The following CHD5 variants were observed in gnomAD, a reference collection of about 807,000 sequenced individuals.
CHD5 encodes ATP-dependent chromatin remodeler CHD5.
Under a neutral mutation model 230.3 loss-of-function variants are expected in CHD5, and 69 were observed. That is an observed-to-expected ratio of 0.30 (90% CI 0.25 to 0.37). The LOEUF (loss-of-function observed/expected upper bound fraction) is 0.37, where lower values mean the gene tolerates loss of function less well. Among genes scored for constraint, CHD5 ranks in the 10% least tolerant of loss-of-function variants. The pLI is 1.00. For synonymous variants in CHD5, 1,064 were observed against 1,065.9 expected (o/e 1.00, Z 0.03); for missense variants, 1,827 against 2,622.8 (o/e 0.70, Z 6.63).
intron 20 of CHD5, among the ~76,000 whole-genome samples, chr1:6,132,910 C>CTCTCTCTCTCT (rs1666680549): frequency 6.6e-6 from 1 of 151,110 alleles, no homozygotes; most frequent in Non-Finnish European, 1.5e-5. Context: ...CTCTCTCTCT[C>CTCTCTCTCTCT]AAGAGACAGG....
chr1:6,131,572 C>A lies in CHD5; in HGVS notation c.3262+59G>T. 1 of 1,015,500 alleles carries A rather than the reference C, an allele frequency of 9.8e-7. No individual in the cohort carries two copies. Among genetic ancestry groups the A allele is most frequent in the Non-Finnish European group, 1.5e-6 (1 of 645,196 alleles). The allele number at this position is 1,015,500 out of a possible 1,614,324, so 62.9% of individuals were successfully genotyped here. On this transcript the variant is annotated intron_variant, in intron 21 of 41. Coordinates refer to ENST00000262450, the MANE Select transcript of CHD5 (RefSeq NM_015557.3). This position sits in a 1 kb window ranked among gnomAD's most constrained non-coding sequence, Gnocchi z 5.0. ...CTGGGTGACCTGGCTAAGAACCAGG[C>A]CTGGGAGAAGAGGCCAAAAAGGAGT...
chr1:6,179,910 C>G (rs1258293383), intron 1 of CHD5, 35 bp downstream of exon 1: 13 of 1,196,584 alleles, frequency 1.1e-5, no homozygotes, highest in Non-Finnish European at 1.1e-5. Flanking sequence ...GCGCCCCCGC[C>G]GCTCTGGCCC....
chr1:6,178,348 G>C (rs1297440780), intron 1 of CHD5, among the ~76,000 whole-genome samples: 1 of 152,148 alleles, frequency 6.6e-6, no homozygotes, highest in Non-Finnish European at 1.5e-5. Flanking sequence ...CGGAGTGTAA[G>C]ATGGGAAAGA....
rs189200022 is a variant in CHD5 at position 6,105,309 on chromosome 1, C to T, written c.*165G>A. On this transcript the variant is annotated 3_prime_UTR_variant, in exon 42 of 42. Transcript: ENST00000262450. The surrounding 1 kb of genome is among the most constrained non-coding windows in gnomAD (Gnocchi z 4.8). ...GCTCTGGCCCAGCTGAGCTGGGCCT[C>T]GTCCTCCATGTGATGGCATTACTAG... 33 of 438,572 alleles carry T rather than the reference C, an allele frequency of 7.5e-5. No individual in the cohort carries two copies. In the East Asian group the frequency reaches 7.8e-4, roughly 10 times the overall value. 27.2% of individuals were successfully genotyped at this position (438,572 alleles called of 1,614,324 possible).
At chr1:6,174,728 A>G (rs1296268348) in intron 1 of CHD5, among the ~76,000 whole-genome samples, 2 of 122,532 alleles carry the variant, frequency 1.6e-5, no homozygotes, top group African/African-American at 3.2e-5. Context: ...ATGGATGGTG[A>G]ATAAGTGGAT....
At chr1:6,159,025 A>G (rs1292849951) in intron 3 of CHD5, among the ~76,000 whole-genome samples, 3 of 149,674 alleles carry the variant, frequency 2.0e-5, no homozygotes, top group South Asian at 2.1e-4. Context: ...AAAAAAAAAA[A>G]AGAGATGGGG....
chr1:6,144,465 G>A (rs912034742), intron 11 of CHD5, among the ~76,000 whole-genome samples: 1 of 152,250 alleles, frequency 6.6e-6, no homozygotes, highest in Non-Finnish European at 1.5e-5. Context: ...ATTTGTCACA[G>A]GGTCTGGATT....
rs1666302789 is a variant in CHD5, at chr1:6,112,198, C to T, written c.5082G>A (p.Lys1694=). 1 of 1,614,134 alleles carries T rather than the reference C, an allele frequency of 6.2e-7. No individual in the cohort carries two copies. The highest frequency in any genetic ancestry group is 1.7e-5 in the Admixed American group (1 of 60,024). The change falls in exon 35 of 42, where the codon AAG becomes AAA. Residue 1694 remains lysine, a synonymous_variant. Coordinates refer to ENST00000262450, the MANE Select transcript of CHD5 (RefSeq NM_015557.3). ...GDKEEDDEGK[K]EDKKGKFKFM... ...ACTTGAATTTCCCCTTCTTGTCCTC[C>T]TTCTTCCCCTCGTCATCTTCCTCTT...
Position 6,111,888 on chromosome 1 carries a change from G to A in CHD5, c.5141-5C>T, listed in dbSNP as rs769846006. 1 of 1,612,272 alleles carries A rather than the reference G, an allele frequency of 6.2e-7. No homozygotes were observed. The highest frequency in any genetic ancestry group is 8.5e-7 in the Non-Finnish European group (1 of 1,179,306). On this transcript the variant is annotated splice_region_variant and splice_polypyrimidine_tract_variant and intron_variant, in intron 35 of 41. Transcript: ENST00000262450. ...TCTGCCACAGCGTGTGCAACTCTGG[G>A]AAACAAGCCAAGGTGAGCAGGGTGA...
intron 1 of CHD5, among the ~76,000 whole-genome samples, chr1:6,175,247 G>T (rs1359700011): frequency 6.8e-6 from 1 of 147,316 alleles, no homozygotes; most frequent in Admixed American, 6.7e-5. Flanking sequence ...GTGGATTGAT[G>T]GATGGATGGT....
At chr1:6,139,639 C>A (rs2100854904) in intron 15 of CHD5, among the ~76,000 whole-genome samples, 1 of 151,994 alleles carries the variant, frequency 6.6e-6, no homozygotes, top group East Asian at 1.9e-4. Context: ...CAGCCTCGAA[C>A]TCCTGGGCTC....
chr1:6,173,772 G>A (rs1237851261), intron 1 of CHD5, among the ~76,000 whole-genome samples: 2 of 152,172 alleles, frequency 1.3e-5, no homozygotes, highest in African/African-American at 2.4e-5. Context: ...TGGGCCAGAG[G>A]TTCTCAGGGC....
At chr1:6,162,301 G>A (rs143740682) in intron 2 of CHD5, among the ~76,000 whole-genome samples, 5,291 of 151,958 alleles carry the variant, frequency 0.035, 187 homozygotes, top group East Asian at 0.19. Flanking sequence ...CAGGAGAATC[G>A]CTTGAACCTG....
Position 6,142,697 on chromosome 1 carries a change from G to A in CHD5, c.2044-92C>T, listed in dbSNP as rs950895343. 23 of 1,319,882 alleles carry A rather than the reference G, an allele frequency of 1.7e-5. No individual in the cohort carries two copies. Among genetic ancestry groups the A allele is most frequent in the Non-Finnish European group, 2.3e-5 (22 of 966,312 alleles). 81.8% of individuals were successfully genotyped at this position (1,319,882 alleles called of 1,614,324 possible). A position where few individuals can be genotyped will look rare whatever the true frequency, so the allele number is the denominator to read the frequency against. ...TTTGCACATGCAATTCCTTCTGCCT[G>A]GAACACTCTTCCCACTCCTGTCTGT... is the stretch of plus-strand genomic sequence containing the variant. On this transcript the variant is annotated intron_variant, in intron 13 of 41. Coordinates refer to ENST00000262450, the MANE Select transcript of CHD5 (RefSeq NM_015557.3). This position sits in a 1 kb window ranked among gnomAD's most constrained non-coding sequence, Gnocchi z 5.2.
At position 6,104,276 on chromosome 1, in the gene CHD5, T is replaced by G. The variant is rs1218953568; in HGVS notation, c.*1198A>C. ...TGGCAGGAAACAAGGCAGCAAGCCC[T>G]TGGTGCTGCGGCTGGGAGGGGTCTG... On this transcript the variant is annotated 3_prime_UTR_variant, in exon 42 of 42. Coordinates refer to ENST00000262450, the MANE Select transcript of CHD5 (RefSeq NM_015557.3). The G allele has an allele frequency of 6.6e-6, 1 of 152,274 alleles. No individual in the cohort carries two copies. Among genetic ancestry groups the G allele is most frequent in the African/African-American group, 2.4e-5 (1 of 41,454 alleles). 9.4% of individuals were successfully genotyped at this position (152,274 alleles called of 1,614,324 possible).
intron 2 of CHD5, among the ~76,000 whole-genome samples, chr1:6,165,629 G>C (rs1356378091): frequency 1.3e-5 from 2 of 151,954 alleles, no homozygotes; most frequent in East Asian, 3.9e-4. Flanking sequence ...CCACCAGACA[G>C]TCTCGGTGTC....
intron 13 of CHD5, among the ~76,000 whole-genome samples, chr1:6,143,296 G>A (rs1666858060): frequency 6.6e-6 from 1 of 152,108 alleles, no homozygotes; most frequent in African/African-American, 2.4e-5. Context: ...GCCTCCCACA[G>A]TGCTGGGATT....
At position 6,154,549 on chromosome 1, in the gene CHD5, G is replaced by A. The variant is rs1667051181; in HGVS notation, c.745+111C>T. 8 of 962,786 alleles carry A rather than the reference G, an allele frequency of 8.3e-6. No individual in the cohort carries two copies. The highest frequency in any genetic ancestry group is 5.9e-5 in the Admixed American group (2 of 33,746). 59.6% of individuals were successfully genotyped at this position (962,786 alleles called of 1,614,324 possible). Reference sequence around the variant, plus strand: ...ACACAGGCACAGAGCCCTCCATTAGGAGCACCCCAGCTGCCCCTCCCTGCC... The same window carrying A: ...ACACAGGCACAGAGCCCTCCATTAGAAGCACCCCAGCTGCCCCTCCCTGCC... On this transcript the variant is annotated intron_variant, in intron 5 of 41. Coordinates refer to ENST00000262450, the MANE Select transcript of CHD5 (RefSeq NM_015557.3). The surrounding 1 kb of genome is among the most constrained non-coding windows in gnomAD (Gnocchi z 7.0).
intron 11 of CHD5, among the ~76,000 whole-genome samples, chr1:6,145,766 T>C (rs1241494966): frequency 6.6e-6 from 1 of 152,234 alleles, no homozygotes; most frequent in South Asian, 2.1e-4. Flanking sequence ...TTAACCTTGC[T>C]GTGCCTATTC....
Sources: allele counts gnomAD v4.1 joint callset (sites outside exome capture counted in the v4.1 genomes callset), GRCh38; gene constraint gnomAD v4.1.1; non-coding constraint Gnocchi (gnomAD v3.1); transcripts MANE v1.5; gene names NCBI Gene and HGNC (gene_info 2026-07-23, HGNC 2026-07-21).